CNTN5: variants seen among roughly 807,000 people sequenced by gnomAD.
The protein encoded by CNTN5 is contactin-5.
A neutral mutation model predicts 129.1 loss-of-function variants in CNTN5; 77 were observed. The ratio of observed to expected loss-of-function variants is 0.60; its 90% confidence interval spans 0.50 to 0.72. The LOEUF is 0.72. Among genes scored for constraint, CNTN5 ranks in the 30% least tolerant of loss-of-function variants. The pLI is 0.00. For synonymous variants in CNTN5, 509 were observed against 465.6 expected (o/e 1.09, Z -1.20); for missense variants, 1,478 against 1,328.8 (o/e 1.11, Z -1.75).
intron 8 of CNTN5, among the ~76,000 whole-genome samples, chr11:99,980,955 G>A (rs61910583): frequency 6.6e-6 from 1 of 151,046 alleles, no homozygotes; most frequent in Non-Finnish European, 1.5e-5. Flanking sequence ...ATATTAAAGG[G>A]TTAATCTATT....
intron 2 of CNTN5, among the ~76,000 whole-genome samples, chr11:99,338,981 G>GTGTATA (rs35294345): frequency 3.3e-4 from 41 of 125,828 alleles, no homozygotes; most frequent in East Asian, 2.1e-3. Flanking sequence ...GTGTGTGTGT[G>GTGTATA]TATATATATA....
At chr11:99,580,045 G>T (rs1949517380) in intron 3 of CNTN5, among the ~76,000 whole-genome samples, 1 of 142,452 alleles carries the variant, frequency 7.0e-6, no homozygotes, top group East Asian at 2.1e-4. Context: ...CATGAAGGTT[G>T]TTGAATTTTG....
At chr11:100,001,387 G>A (rs77207717) in intron 8 of CNTN5, among the ~76,000 whole-genome samples, 5 of 152,076 alleles carry the variant, frequency 3.3e-5, no homozygotes, top group East Asian at 1.9e-4. Context: ...CTCGACATAC[G>A]CAGATTACAA....
intron 9 of CNTN5, among the ~76,000 whole-genome samples, chr11:100,046,151 G>A (rs186845918): frequency 1.5e-5 from 2 of 132,298 alleles, no homozygotes; most frequent in African/African-American, 2.8e-5. Context: ...GTTGGGGGAG[G>A]GGGGAGGGAT....
intron 3 of CNTN5, among the ~76,000 whole-genome samples, chr11:99,644,579 C>T (rs1379137342): frequency 6.6e-6 from 1 of 152,020 alleles, no homozygotes; most frequent in Non-Finnish European, 1.5e-5. Flanking sequence ...GTAAAAAAAT[C>T]CTTAAAAATA....
chr11:99,667,082 G>C (rs1952823984), intron 3 of CNTN5, among the ~76,000 whole-genome samples: 2 of 151,844 alleles, frequency 1.3e-5, no homozygotes, highest in Admixed American at 1.3e-4. Context: ...ATTTAGAGTA[G>C]TAGAAAAAGC....
At chr11:99,496,303 C>G (rs1239653725) in intron 2 of CNTN5, among the ~76,000 whole-genome samples, 1 of 152,120 alleles carries the variant, frequency 6.6e-6, no homozygotes, top group Non-Finnish European at 1.5e-5. Context: ...GAGACAGAGT[C>G]TCGTTCTGTC....
At chr11:99,946,472 T>A (rs10791061) in intron 7 of CNTN5, among the ~76,000 whole-genome samples, 147,376 of 152,206 alleles carry the variant, frequency 0.97, 71,402 homozygotes, top group South Asian at 0.99. Context: ...AGATTTTAAA[T>A]AGTCAATCTC....
At chr11:100,072,990 C>CAAAA (rs61042118) in intron 12 of CNTN5, among the ~76,000 whole-genome samples, 17,233 of 78,662 alleles carry the variant, frequency 0.22, 2,599 homozygotes, top group East Asian at 0.43. Context: ...TCCCAGGAGG[C>CAAAA]AAAAAAAAAA....
chr11:99,996,639 C>T (rs1471612534), intron 8 of CNTN5, among the ~76,000 whole-genome samples: 4 of 152,114 alleles, frequency 2.6e-5, no homozygotes, highest in Non-Finnish European at 4.4e-5. Flanking sequence ...ATGTATTAGT[C>T]TGTTTTCACA....
At chr11:99,326,817 A>T (rs556459894) in intron 2 of CNTN5, among the ~76,000 whole-genome samples, 12 of 152,190 alleles carry the variant, frequency 7.9e-5, no homozygotes, top group Non-Finnish European at 4.4e-5. Context: ...GAAAAAATTG[A>T]GTTCCATATA....
intron 9 of CNTN5, among the ~76,000 whole-genome samples, chr11:100,018,866 G>T (rs1303091462): frequency 7.2e-5 from 11 of 151,890 alleles, no homozygotes. Flanking sequence ...CATTTAATAT[G>T]CATGTAGTGG....
intron 1 of CNTN5, among the ~76,000 whole-genome samples, chr11:99,289,753 T>C (rs2135915302): frequency 6.6e-6 from 1 of 151,906 alleles, no homozygotes; most frequent in African/African-American, 2.4e-5. Context: ...TTGTAAAATA[T>C]TTATTTTTAT....
At chr11:99,725,706 T>C (rs1442138797) in intron 3 of CNTN5, among the ~76,000 whole-genome samples, 1 of 152,248 alleles carries the variant, frequency 6.6e-6, no homozygotes, top group Non-Finnish European at 1.5e-5. Context: ...CAGATTCCTG[T>C]AGTGTATCTG....
Position 99,556,147 on chromosome 11 carries a change from C to A in CNTN5, c.-68C>A. 2.4e-6 allele frequency: 2 copies of A among 847,414 alleles called. No individual in the cohort carries two copies. Among genetic ancestry groups the A allele is most frequent in the Non-Finnish European group, 1.8e-6 (1 of 562,684 alleles). The allele number at this position is 847,414 out of a possible 1,614,324, so 52.5% of individuals were successfully genotyped here. A position where few individuals can be genotyped will look rare whatever the true frequency, so the allele number is the denominator to read the frequency against. ...AAATTGTTATCTATCTCAAACAGGG[C>A]ACTCTTTAATGAAGAAACACCAGAG... is the stretch of plus-strand genomic sequence containing the variant. On this transcript the variant is annotated splice_region_variant and 5_prime_UTR_variant, in exon 3 of 25. Transcript: ENST00000524871.
chr11:99,248,731 C>T (rs545867884), intron 1 of CNTN5, among the ~76,000 whole-genome samples: 2 of 152,198 alleles, frequency 1.3e-5, no homozygotes, highest in South Asian at 4.2e-4. Context: ...AATCCTTTCC[C>T]CATTTCTTGT....
chr11:99,368,303 A>G (rs1939587342), intron 2 of CNTN5, among the ~76,000 whole-genome samples: 1 of 152,118 alleles, frequency 6.6e-6, no homozygotes, highest in African/African-American at 2.4e-5. Flanking sequence ...AGAAGATAAA[A>G]TAAATCCACA....
At position 99,178,314 on chromosome 11, in the gene CNTN5, CCACACACACACACACA is replaced by C. The variant is rs71046672; in HGVS notation, c.-209-146993_-209-146978del. On this transcript the variant is annotated intron_variant, in intron 1 of 24. Coordinates refer to ENST00000524871, the MANE Select transcript of CNTN5 (RefSeq NM_014361.4). ...TCAGTAACAGAGTGAGACCTCATCT[CCACACACACACACACA>C]CACACACACACACACACACACACAC... is the stretch of plus-strand genomic sequence containing the variant. Among the ~76,000 whole-genome samples, 545 of 125,572 alleles carry C rather than the reference CCACACACACACACACA, an allele frequency of 4.3e-3. 1 individual carries two copies. Among genetic ancestry groups the C allele is most frequent in the African/African-American group, 0.012 (412 of 33,438 alleles). The allele number at this position is 125,572 out of a possible 152,430, so 82.4% of individuals were successfully genotyped here. A position where few individuals can be genotyped will look rare whatever the true frequency, so the allele number is the denominator to read the frequency against.
At chr11:99,691,180 A>T (rs1460150189) in intron 3 of CNTN5, among the ~76,000 whole-genome samples, 15 of 145,466 alleles carry the variant, frequency 1.0e-4, no homozygotes, top group Admixed American at 2.0e-4. Flanking sequence ...GTCTATCTTA[A>T]TTTTTTCAAA....
Sources: allele counts gnomAD v4.1 joint callset (sites outside exome capture counted in the v4.1 genomes callset), GRCh38; gene constraint gnomAD v4.1.1; transcripts MANE v1.5; gene names NCBI Gene and HGNC (gene_info 2026-07-23, HGNC 2026-07-21).